The following HERPUD1 variants were observed in gnomAD, a reference collection of about 807,000 sequenced individuals.
The protein encoded by HERPUD1 is homocysteine inducible ER protein with ubiquitin like domain 1.
HERPUD1 carries 17 observed loss-of-function variants against 45.0 expected under a neutral mutation model. The ratio of observed to expected loss-of-function variants is 0.38; its 90% confidence interval spans 0.26 to 0.57. HERPUD1 has a LOEUF of 0.57. Ranked by LOEUF, HERPUD1 falls within the 20% of genes least tolerant of loss-of-function variation. The probability of loss-of-function intolerance (pLI) is 0.72; values close to 1 mark genes in which losing one functional copy is unlikely to be tolerated. For missense variants in HERPUD1, 420 were observed against 490.5 expected (o/e 0.86, Z 1.36); for synonymous variants, 164 against 177.5 (o/e 0.92, Z 0.61).
At chr16:56,934,699 ATTCTTTTTT>A (rs1311020790) in intron 1 of HERPUD1, among the ~76,000 whole-genome samples, 1 of 73,104 alleles carries the variant, frequency 1.4e-5, no homozygotes, top group Non-Finnish European at 2.7e-5. Flanking sequence ...ATAATTTGCC[ATTCTTTTTT>A]TTTTTTTTTT....
intron 3 of HERPUD1, 114 bp downstream of exon 3, chr16:56,935,589 T>C: frequency 1.2e-6 from 1 of 851,824 alleles, no homozygotes; most frequent in Non-Finnish European, 1.9e-6. Context: ...TATTACCAAG[T>C]AATATTTTGT....
chr16:56,936,919 T>G, intron 4 of HERPUD1, 102 bp downstream of exon 4: 1 of 1,283,402 alleles, frequency 7.8e-7, no homozygotes, highest in South Asian at 1.8e-5. Flanking sequence ...TCAGAACTTT[T>G]AAACATACAG....
intron 3 of HERPUD1, 41 bp from the exon 4 acceptor site, chr16:56,936,646 C>T (rs762118029): frequency 1.8e-5 from 27 of 1,515,576 alleles, no homozygotes; most frequent in Middle Eastern, 1.7e-4. Flanking sequence ...CAGACAGTTG[C>T]ATCAGCTCCT....
intron 7 of HERPUD1, among the ~76,000 whole-genome samples, chr16:56,942,587 G>T (rs965763073): frequency 1.3e-5 from 2 of 152,214 alleles, no homozygotes; most frequent in Non-Finnish European, 2.9e-5. Flanking sequence ...GGGCGTGGTG[G>T]CTCACGCCTG....
chr16:56,939,266 G>A lies in HERPUD1; in HGVS notation c.461G>A (p.Gly154Asp), dbSNP rs1206271566. ...GAAGCTGCCCAGCAGGCATTCCAAG[G>A]CCTGGGTCCTGGTTTCTCCGGTTAC... ...RPEAAQQAFQGLGPGFSGYTP... is the reference protein window; with the variant it reads ...RPEAAQQAFQDLGPGFSGYTP... The change falls in exon 5 of 8, where the codon GGC becomes GAC. Residue 154 changes from glycine to aspartate, a missense_variant. Gly to Asp is a moderately conservative substitution (Grantham distance 94). Transcript: ENST00000439977. The A allele has an allele frequency of 6.2e-7, 1 of 1,614,044 alleles. No homozygotes were observed. Among genetic ancestry groups the A allele is most frequent in the Admixed American group, 1.7e-5 (1 of 60,006 alleles).
intron 6 of HERPUD1, 38 bp downstream of exon 6, chr16:56,940,283 CTG>C (rs756150153): frequency 7.0e-7 from 1 of 1,422,068 alleles, no homozygotes; most frequent in South Asian, 1.2e-5. Flanking sequence ...TTACACTACA[CTG>C]TGTTCACACT....
At position 56,939,375 on chromosome 16, in the gene HERPUD1, C is replaced by T; in HGVS notation, c.554+16C>T. 1 of 1,613,992 alleles carries T rather than the reference C, an allele frequency of 6.2e-7. No individual in the cohort carries two copies. Among genetic ancestry groups the T allele is most frequent in the Non-Finnish European group, 8.5e-7 (1 of 1,179,966 alleles). ...ACATGCAATAGTGAGTCCTTCCCGC[C>T]ATGCTGGGTGTGGCCAGGGCTCCCG... On this transcript the variant is annotated intron_variant, in intron 5 of 7. Coordinates refer to ENST00000439977, the MANE Select transcript of HERPUD1 (RefSeq NM_014685.4).
intron 6 of HERPUD1, 140 bp from the exon 7 acceptor site, chr16:56,941,992 G>A (rs1445770321): frequency 1.5e-6 from 1 of 659,764 alleles, no homozygotes. Context: ...GGGAGACAGT[G>A]TGATCAAATG....
rs140341120 is a variant in HERPUD1 at position 56,935,288 on chromosome 16, A to G, written c.201A>G (p.Gln67=). The part of the protein sequence containing the change: ...IYSGKLLLDH[Q]CLRDLLPKQE... Reference sequence around the variant, plus strand: ...CTGGGAAGCTGTTGTTGGATCACCAATGTCTCAGGGACTTGCTTCCAAAGG... The same window carrying G: ...CTGGGAAGCTGTTGTTGGATCACCAGTGTCTCAGGGACTTGCTTCCAAAGG... The change falls in exon 2 of 8, where the codon CAA becomes CAG. Residue 67 remains glutamine, a synonymous_variant. Coordinates refer to ENST00000439977, the MANE Select transcript of HERPUD1 (RefSeq NM_014685.4). The G allele has an allele frequency of 8.5e-4, 1,372 of 1,613,986 alleles. 14 individuals are homozygous for G. The South Asian group carries it at 0.012, about 15-fold the overall frequency.
intron 4 of HERPUD1, among the ~76,000 whole-genome samples, chr16:56,938,038 ATTTCCT>A (rs1226363065): frequency 1.1e-4 from 16 of 152,128 alleles, no homozygotes; most frequent in African/African-American, 3.9e-4. Context: ...TTTAAACTTG[ATTTCCT>A]TTAACAAATA....
At position 56,935,241 on chromosome 16, in the gene HERPUD1, G is replaced by T. The variant is rs2055857050; in HGVS notation, c.154G>T (p.Glu52Ter). 6.2e-7 allele frequency: 1 copy of T among 1,612,968 alleles called. No individual in the cohort carries two copies. Among genetic ancestry groups the T allele is most frequent in the Non-Finnish European group, 8.5e-7 (1 of 1,178,938 alleles). Residue 52 changes from glutamate to a stop codon, truncating the protein, a stop_gained, in exon 2 of 8, where the codon GAG becomes TAG. Transcript: ENST00000439977. LOFTEE classifies it high-confidence loss of function. Reference sequence around the variant, plus strand: ...TCTTTCTTTCCATGATCAGCGTCCAGAGGACCAGAGGTTAATTTATTCTGG... The same window carrying T: ...TCTTTCTTTCCATGATCAGCGTCCATAGGACCAGAGGTTAATTTATTCTGG... ...SRVYPERPRP[E>*]DQRLIYSGKL...
In HERPUD1 at chr16:56,943,178, A is replaced by T; in HGVS notation, c.1064A>T (p.Asp355Val). The change falls in exon 8 of 8, where the codon GAT becomes GTT. Residue 355 changes from aspartate (D) to valine (V), a missense_variant. Asp to Val is a radical substitution (Grantham distance 152). Coordinates refer to ENST00000439977, the MANE Select transcript of HERPUD1 (RefSeq NM_014685.4). ...EDPNHLPPDR[D>V]VLDGEQTSPS... ...CCCAACCACCTCCCTCCAGACAGGG[A>T]TGTACTAGATGGCGAGCAGACCAGC... 2 of 1,614,190 alleles carry T rather than the reference A, an allele frequency of 1.2e-6. No individual in the cohort carries two copies. Among genetic ancestry groups the T allele is most frequent in the Non-Finnish European group, 1.7e-6 (2 of 1,180,034 alleles).
In HERPUD1 at chr16:56,943,406, A is replaced by T. The variant is rs748735332; in HGVS notation, c.*116A>T. On this transcript the variant is annotated 3_prime_UTR_variant, in exon 8 of 8. Coordinates refer to ENST00000439977, the MANE Select transcript of HERPUD1 (RefSeq NM_014685.4). ...GATGAGTTTTTAAAAAACAGTGTGG[A>T]TGATGATATGCTTTTGTGAGCAAGC... is the stretch of plus-strand genomic sequence containing the variant. 7.6e-6 allele frequency: 9 copies of T among 1,185,384 alleles called. No individual in the cohort carries two copies. In the South Asian group the frequency reaches 1.1e-4, roughly 14 times the overall value. The allele number at this position is 1,185,384 out of a possible 1,614,324, so 73.4% of individuals were successfully genotyped here.
chr16:56,942,883 T>C (rs1334816533), intron 7 of HERPUD1, among the ~76,000 whole-genome samples: 1 of 152,106 alleles, frequency 6.6e-6, no homozygotes, highest in Non-Finnish European at 1.5e-5. Context: ...GTTGTTTCAT[T>C]TGATATTTGC....
Position 56,940,101 on chromosome 16 carries a change from T to G in HERPUD1, c.761T>G (p.Val254Gly). 1 of 1,614,228 alleles carries G rather than the reference T, an allele frequency of 6.2e-7. No homozygotes were observed. The highest frequency in any genetic ancestry group is 8.5e-7 in the Non-Finnish European group (1 of 1,180,036). Residue 254 changes from valine to glycine, a missense_variant, in exon 6 of 8, where the codon GTG (valine) becomes GGG (glycine). Physicochemically the swap from Val to Gly is moderately radical, Grantham distance 109. Coordinates refer to ENST00000439977, the MANE Select transcript of HERPUD1 (RefSeq NM_014685.4). Reference protein sequence around the residue: ...LRMNAQGGPIVEEDDEINRDW... With the variant: ...LRMNAQGGPIGEEDDEINRDW... ...ATGAATGCACAAGGTGGCCCTATTG[T>G]GGAAGAAGATGATGAAATAAATCGA...
At position 56,932,156 on chromosome 16, in the gene HERPUD1, A is replaced by G. The variant is rs1232976456; in HGVS notation, c.-89A>G. On this transcript the variant is annotated 5_prime_UTR_variant, in exon 1 of 8. Coordinates refer to ENST00000439977, the MANE Select transcript of HERPUD1 (RefSeq NM_014685.4). ...CGGGGGCGCGCGCCCCAGAGACGTGAACTGTCGTTGCAGAGATTGCGGGCG... is the reference window on the plus strand; with the variant it reads ...CGGGGGCGCGCGCCCCAGAGACGTGGACTGTCGTTGCAGAGATTGCGGGCG... The G allele has an allele frequency of 6.4e-7, 1 of 1,551,400 alleles. No individual in the cohort carries two copies. Among genetic ancestry groups the G allele is most frequent in the South Asian group, 1.2e-5 (1 of 85,694 alleles).
Position 56,942,203 on chromosome 16 carries a change from A to T in HERPUD1, c.977A>T (p.Asp326Val), listed in dbSNP as rs141477337. Residue 326 changes from aspartate (D) to valine (V), a missense_variant, in exon 7 of 8, where the codon GAC becomes GTC. Transcript: ENST00000439977. The stretch of plus-strand genomic sequence containing the variant: ...TTCCCAAATGATGGTCCTCCTCCTG[A>T]CGTTGTAAATCAGGACCCCAACAAT... ...QNFPNDGPPP[D>V]VVNQDPNNNL... The T allele has an allele frequency of 3.7e-6, 6 of 1,614,088 alleles. No individual in the cohort carries two copies. The African/African-American group carries it at 6.7e-5, about 18-fold the overall frequency.
chr16:56,942,428 T>C (rs1448352651), intron 7 of HERPUD1, among the ~76,000 whole-genome samples, 191 bp downstream of exon 7: 2 of 152,248 alleles, frequency 1.3e-5, no homozygotes, highest in African/African-American at 4.8e-5. Flanking sequence ...CTATCACATA[T>C]TTTTGACGTG....
chr16:56,939,362 G>C lies in HERPUD1; in HGVS notation c.554+3G>C. On this transcript the variant is annotated splice_donor_region_variant and intron_variant, in intron 5 of 7. Coordinates refer to ENST00000439977, the MANE Select transcript of HERPUD1 (RefSeq NM_014685.4). ...GCACGACAGTACTACATGCAATAGT[G>C]AGTCCTTCCCGCCATGCTGGGTGTG... 6.2e-7 allele frequency: 1 copy of C among 1,614,118 alleles called. No individual in the cohort carries two copies. Among genetic ancestry groups the C allele is most frequent in the East Asian group, 2.2e-5 (1 of 44,880 alleles).
Sources: allele counts gnomAD v4.1 joint callset (sites outside exome capture counted in the v4.1 genomes callset), GRCh38; gene constraint gnomAD v4.1.1; transcripts MANE v1.5; gene names NCBI Gene and HGNC (gene_info 2026-07-23, HGNC 2026-07-21).